VPS13B: variants seen among roughly 807,000 people sequenced by gnomAD.
VPS13B encodes intermembrane lipid transfer protein VPS13B.
VPS13B carries 285 observed loss-of-function variants against 426.4 expected under a neutral mutation model. That is an observed-to-expected ratio of 0.67 (90% CI 0.61 to 0.74). VPS13B has a LOEUF of 0.74. VPS13B is among the 30% of genes least tolerant of loss of function. The pLI, the probability that VPS13B is intolerant of heterozygous loss-of-function variation, is 0.00. For synonymous variants in VPS13B, 1,676 were observed against 1,676.4 expected (o/e 1.00, Z 0.01); for missense variants, 4,537 against 4,782.6 (o/e 0.95, Z 1.51).
At chr8:99,563,847 A>G (rs2133782518) in intron 31 of VPS13B, among the ~76,000 whole-genome samples, 1 of 152,356 alleles carries the variant, frequency 6.6e-6, no homozygotes, top group South Asian at 2.1e-4. Flanking sequence ...CATTCAAATA[A>G]AAACAGAAAA....
chr8:99,609,106 G>A (rs1211767195), intron 33 of VPS13B, among the ~76,000 whole-genome samples: 1 of 152,096 alleles, frequency 6.6e-6, no homozygotes, highest in Admixed American at 6.5e-5. Context: ...AAGTGAAATC[G>A]GAAACCATGA....
chr8:99,792,983 A>C (rs1812626062), intron 43 of VPS13B, among the ~76,000 whole-genome samples: 1 of 151,012 alleles, frequency 6.6e-6, no homozygotes, highest in Non-Finnish European at 1.5e-5. Context: ...TGGTGGGTGG[A>C]TCTCTTGAGT....
At chr8:99,626,755 A>G (rs565697029) in intron 33 of VPS13B, among the ~76,000 whole-genome samples, 1 of 152,356 alleles carries the variant, frequency 6.6e-6, no homozygotes, top group East Asian at 1.9e-4. Context: ...AAATAGAACT[A>G]TCATGTGATC....
intron 17 of VPS13B, among the ~76,000 whole-genome samples, chr8:99,262,867 G>A (rs1818117262): frequency 6.6e-6 from 1 of 151,956 alleles, no homozygotes; most frequent in African/African-American, 2.4e-5. Context: ...ACGCACTGAA[G>A]CCTCAAGCAA....
intron 15 of VPS13B, among the ~76,000 whole-genome samples, chr8:99,167,995 T>C (rs1315705849): frequency 6.6e-6 from 1 of 152,154 alleles, no homozygotes; most frequent in Non-Finnish European, 1.5e-5. Flanking sequence ...TCAAGGGATG[T>C]TGACAAATTA....
intron 33 of VPS13B, among the ~76,000 whole-genome samples, chr8:99,637,405 T>A (rs940897084): frequency 1.5e-4 from 23 of 152,032 alleles, no homozygotes; most frequent in Non-Finnish European, 4.4e-5. Context: ...AGGAATTTAG[T>A]TTTCTAGTAC....
At chr8:99,701,604 A>AC (rs1319522602) in intron 36 of VPS13B, among the ~76,000 whole-genome samples, 6 of 152,304 alleles carry the variant, frequency 3.9e-5, no homozygotes, top group Admixed American at 6.5e-5. Flanking sequence ...TAATCCTTTT[A>AC]CAATGCTGTT....
intron 17 of VPS13B, chr8:99,233,046 G>C: frequency 8.4e-7 from 1 of 1,185,956 alleles, no homozygotes; most frequent in Non-Finnish European, 1.3e-6. Context: ...CCTGTGGGAG[G>C]CCTCACTTGC....
At chr8:99,830,888 C>A (rs143140588) in intron 51 of VPS13B, among the ~76,000 whole-genome samples, 1 of 151,934 alleles carries the variant, frequency 6.6e-6, no homozygotes, top group East Asian at 1.9e-4. Context: ...CCGGGTGAGG[C>A]GACACCCCAC....
intron 43 of VPS13B, among the ~76,000 whole-genome samples, chr8:99,807,714 TG>T (rs34184716): frequency 0.059 from 8,989 of 151,838 alleles, 381 homozygotes; most frequent in Non-Finnish European, 0.093. Flanking sequence ...TACGCACACG[TG>T]TGTTTTCTTA....
chr8:99,384,779 A>G (rs1257965591), intron 20 of VPS13B, among the ~76,000 whole-genome samples: 1 of 152,174 alleles, frequency 6.6e-6, no homozygotes, highest in African/African-American at 2.4e-5. Flanking sequence ...TCCCGAGTTC[A>G]AGTGATTCTT....
In VPS13B at chr8:99,721,027, G is replaced by A; in HGVS notation, c.7030G>A (p.Asp2344Asn). ...TTEDPDISTA[D>N]LGDVLQVPCS... ...AGAGGATCCAGATATTAGCACAGCA[G>A]ACCTTGGTGATGTGCTACAGGTATG... Residue 2344 changes from aspartate (D) to asparagine (N), a missense_variant, in exon 39 of 62, where the codon GAC becomes AAC. Physicochemically the swap from Asp to Asn is conservative, Grantham distance 23. Coordinates refer to ENST00000357162, the MANE Select transcript of VPS13B (RefSeq NM_152564.5). 1.2e-6 allele frequency: 2 copies of A among 1,613,976 alleles called. No homozygotes were observed. The highest frequency in any genetic ancestry group is 2.2e-5 in the South Asian group (2 of 91,064).
At position 99,471,061 on chromosome 8, in the gene VPS13B, A is replaced by G. The variant is rs1819378675; in HGVS notation, c.3666+3427A>G. Among the ~76,000 whole-genome samples, 6 of 152,232 alleles carry G rather than the reference A, an allele frequency of 3.9e-5. No homozygotes were observed. The South Asian group carries it at 1.2e-3, about 32-fold the overall frequency. On this transcript the variant is annotated intron_variant, in intron 24 of 61. Coordinates refer to ENST00000357162, the MANE Select transcript of VPS13B (RefSeq NM_152564.5). ...TGTTAACCTAGTGAAGATACCCCAC[A>G]GAAATGAAAGAGAAATAAACCCATT...
At chr8:99,630,102 A>G (rs1203949218) in intron 33 of VPS13B, among the ~76,000 whole-genome samples, 1 of 152,100 alleles carries the variant, frequency 6.6e-6, no homozygotes, top group East Asian at 1.9e-4. Flanking sequence ...GTGCCTGAGA[A>G]TCTCTATTTA....
At chr8:99,598,144 T>C (rs1443991171) in intron 33 of VPS13B, among the ~76,000 whole-genome samples, 4 of 151,946 alleles carry the variant, frequency 2.6e-5, no homozygotes, top group Admixed American at 6.6e-5. Context: ...TAGAGAGAAG[T>C]TGGTGTTTGT....
intron 39 of VPS13B, among the ~76,000 whole-genome samples, chr8:99,725,649 C>T (rs550541508): frequency 3.3e-5 from 5 of 152,258 alleles, no homozygotes; most frequent in South Asian, 2.1e-4. Flanking sequence ...ACTGGATAAA[C>T]GAATCCATGA....
intron 39 of VPS13B, among the ~76,000 whole-genome samples, chr8:99,732,978 A>G (rs760054586): frequency 2.0e-5 from 3 of 152,188 alleles, no homozygotes; most frequent in Non-Finnish European, 4.4e-5. Flanking sequence ...CTCTTTTCCT[A>G]TTAAATACTC....
At chr8:99,065,218 T>C (rs1844419408) in intron 3 of VPS13B, among the ~76,000 whole-genome samples, 1 of 152,116 alleles carries the variant, frequency 6.6e-6, no homozygotes, top group Non-Finnish European at 1.5e-5. Flanking sequence ...AAAAAGAGAA[T>C]TTCAGGTTGA....
Position 99,334,937 on chromosome 8 carries a change from C to T in VPS13B, c.2825-49271C>T, listed in dbSNP as rs149935820. Among the ~76,000 whole-genome samples, 364 of 152,194 alleles carry T rather than the reference C, an allele frequency of 2.4e-3. 3 individuals are homozygous for T. Among genetic ancestry groups the T allele is most frequent in the African/African-American group, 8.4e-3 (349 of 41,522 alleles). On this transcript the variant is annotated intron_variant, in intron 19 of 61. Coordinates refer to ENST00000357162, the MANE Select transcript of VPS13B (RefSeq NM_152564.5). ...GGAATAGTTTCAGAAGGAATGGTAC[C>T]AGCTCCTTCTTATACCTCGGTAGAA...
Sources: gnomAD v4.1 joint callset for allele counts (sites outside exome capture counted in the v4.1 genomes callset) on GRCh38, gnomAD v4.1.1 for gene constraint, MANE v1.5 for transcripts, NCBI Gene and HGNC (gene_info 2026-07-23, HGNC 2026-07-21) for gene names.